Variants in ZBTB16 observed in about 807,000 individuals in gnomAD.
ZBTB16 encodes zinc finger and BTB domain-containing protein 16.
In ZBTB16, 8 loss-of-function variants were observed where a neutral mutation model predicts 56.8. That is an observed-to-expected ratio of 0.14 (90% CI 0.08 to 0.25). The LOEUF is 0.25. Ranked by LOEUF, ZBTB16 falls within the 10% of genes least tolerant of loss-of-function variation. The pLI, the probability that ZBTB16 is intolerant of heterozygous loss-of-function variation, is 1.00. For missense variants in ZBTB16, 625 were observed against 903.0 expected (o/e 0.69, Z 3.95); for synonymous variants, 363 against 368.5 (o/e 0.98, Z 0.17).
chr11:114,154,206 G>A (rs112336263), intron 2 of ZBTB16, among the ~76,000 whole-genome samples: 5 of 152,278 alleles, frequency 3.3e-5, no homozygotes, highest in Admixed American at 6.5e-5. Context: ...TCTGAAGACC[G>A]GTCACTCTAG....
intron 2 of ZBTB16, among the ~76,000 whole-genome samples, chr11:114,095,254 T>TC (rs1565622443): frequency 7.8e-6 from 1 of 128,520 alleles, no homozygotes; most frequent in Non-Finnish European, 1.6e-5. Context: ...TCTTTTTTTT[T>TC]TTTTTTTTTT....
intron 3 of ZBTB16, among the ~76,000 whole-genome samples, chr11:114,156,877 T>C (rs2134959688): frequency 2.0e-5 from 3 of 152,332 alleles, no homozygotes; most frequent in Admixed American, 2.0e-4. Flanking sequence ...TACAATTCTA[T>C]TGAGGTCGAC....
At chr11:114,080,250 T>C (rs1005041274) in intron 2 of ZBTB16, among the ~76,000 whole-genome samples, 3 of 152,108 alleles carry the variant, frequency 2.0e-5, no homozygotes, top group African/African-American at 7.2e-5. Flanking sequence ...TCCCCTTTCC[T>C]GACAATGTTC....
intron 2 of ZBTB16, among the ~76,000 whole-genome samples, chr11:114,084,494 G>C (rs1939891519): frequency 6.6e-6 from 1 of 150,682 alleles, no homozygotes; most frequent in Non-Finnish European, 1.5e-5. Flanking sequence ...TCATTATTTA[G>C]AGGGATAAGA....
chr11:114,188,451 T>A (rs751744644), intron 4 of ZBTB16: 5 of 152,260 alleles, frequency 3.3e-5, no homozygotes, highest in Non-Finnish European at 5.9e-5. Context: ...TTAATTTAGA[T>A]TTCTCATCTG....
chr11:114,212,801 C>A (rs1248851306), intron 4 of ZBTB16, among the ~76,000 whole-genome samples: 4 of 152,160 alleles, frequency 2.6e-5, no homozygotes, highest in Admixed American at 6.5e-5. Context: ...CTTATCCCCC[C>A]ATCCCCCATC....
At chr11:114,248,709 G>A (rs372316992) in intron 6 of ZBTB16, among the ~76,000 whole-genome samples, 7 of 152,300 alleles carry the variant, frequency 4.6e-5, no homozygotes, top group South Asian at 2.1e-4. Flanking sequence ...GTCAGAGCTC[G>A]TTTTTCGTGT....
At chr11:114,066,340 C>T (rs1939116727) in intron 2 of ZBTB16, among the ~76,000 whole-genome samples, 3 of 152,174 alleles carry the variant, frequency 2.0e-5, no homozygotes, top group African/African-American at 7.2e-5. Context: ...AAATAACCGC[C>T]ACTAAGGTGT....
chr11:114,155,983 G>A (rs1942398389), intron 2 of ZBTB16, among the ~76,000 whole-genome samples: 2 of 152,188 alleles, frequency 1.3e-5, no homozygotes, highest in African/African-American at 4.8e-5. Flanking sequence ...GAGGCTGTGG[G>A]CCTCCTGTGA....
At chr11:114,120,959 C>G (rs1358508254) in intron 2 of ZBTB16, among the ~76,000 whole-genome samples, 1 of 152,162 alleles carries the variant, frequency 6.6e-6, no homozygotes, top group Admixed American at 6.5e-5. Context: ...CCTCCTTGGG[C>G]AGCACCTACT....
intron 2 of ZBTB16, among the ~76,000 whole-genome samples, chr11:114,068,250 G>T (rs187050736): frequency 1.3e-5 from 2 of 152,202 alleles, no homozygotes; most frequent in East Asian, 3.9e-4. Context: ...GGGTGGGGGG[G>T]CAGAAGGGAA....
chr11:114,144,263 C>G (rs907863960), intron 2 of ZBTB16, among the ~76,000 whole-genome samples: 1 of 152,004 alleles, frequency 6.6e-6, no homozygotes, highest in Non-Finnish European at 1.5e-5. Flanking sequence ...GTCCGTGTGG[C>G]TCACCCTCCT....
chr11:114,247,745 C>G (rs1313161790), intron 6 of ZBTB16, among the ~76,000 whole-genome samples: 3 of 152,096 alleles, frequency 2.0e-5, no homozygotes, highest in African/African-American at 7.2e-5. Flanking sequence ...TCATGTTACT[C>G]AAGGGTTAGA....
Position 114,063,242 on chromosome 11 carries a change from C to G in ZBTB16, c.-59C>G. The G allele has an allele frequency of 6.3e-7, 1 of 1,593,256 alleles. No individual in the cohort carries two copies. The highest frequency in any genetic ancestry group is 8.5e-7 in the Non-Finnish European group (1 of 1,170,942). On this transcript the variant is annotated 5_prime_UTR_variant, in exon 2 of 7. Coordinates refer to ENST00000335953, the MANE Select transcript of ZBTB16 (RefSeq NM_006006.6). This position sits in a 1 kb window ranked among gnomAD's most constrained non-coding sequence, Gnocchi z 6.5. ...CTATTGGCCCAGGAAGCCCACCCAG[C>G]CCCGCCACGCAGAGCCCAGAAGGAA...
intron 2 of ZBTB16, among the ~76,000 whole-genome samples, chr11:114,101,027 G>A (rs1451159562): frequency 6.6e-6 from 1 of 152,006 alleles, no homozygotes; most frequent in Non-Finnish European, 1.5e-5. Flanking sequence ...TTGAGACAGG[G>A]TCTTACTCTG....
At chr11:114,201,844 A>G (rs1943743668) in intron 4 of ZBTB16, among the ~76,000 whole-genome samples, 2 of 152,246 alleles carry the variant, frequency 1.3e-5, no homozygotes, top group Admixed American at 6.5e-5. Context: ...AGTAATAATA[A>G]TGATGATTTA....
chr11:114,146,193 C>T (rs1942095074), intron 2 of ZBTB16, among the ~76,000 whole-genome samples: 1 of 152,060 alleles, frequency 6.6e-6, no homozygotes, highest in African/African-American at 2.4e-5. Flanking sequence ...TCAGTAGACT[C>T]TGGGTACCAT....
At chr11:114,088,594 G>T (rs1940055888) in intron 2 of ZBTB16, among the ~76,000 whole-genome samples, 1 of 152,158 alleles carries the variant, frequency 6.6e-6, no homozygotes, top group Non-Finnish European at 1.5e-5. Flanking sequence ...TAGGTATTCA[G>T]TACCTCTTGC....
chr11:114,128,335 C>T (rs1397081737), intron 2 of ZBTB16, among the ~76,000 whole-genome samples: 6 of 152,168 alleles, frequency 3.9e-5, no homozygotes, highest in Admixed American at 6.5e-5. Context: ...GAGCACCTCC[C>T]GGATACGACA....
Sources: gnomAD v4.1 joint callset for allele counts (sites outside exome capture counted in the v4.1 genomes callset) on GRCh38, gnomAD v4.1.1 for gene constraint, Gnocchi (gnomAD v3.1) non-coding constraint, MANE v1.5 for transcripts, NCBI Gene and HGNC (gene_info 2026-07-23, HGNC 2026-07-21) for gene names.